The following TWSG1 variants were observed in gnomAD, a reference collection of about 807,000 sequenced individuals.
TWSG1 encodes twisted gastrulation protein homolog 1.
TWSG1 carries 15 observed loss-of-function variants against 23.0 expected under a neutral mutation model. That is an observed-to-expected ratio of 0.65 (90% CI 0.44 to 1.00). TWSG1 has a LOEUF of 1.00. Ranked by LOEUF, TWSG1 falls within the 50% of genes least tolerant of loss-of-function variation. The pLI is 0.00. For synonymous variants in TWSG1, 86 were observed against 92.8 expected (o/e 0.93, Z 0.42); for missense variants, 242 against 278.7 (o/e 0.87, Z 0.94).
rs181275102 is a variant in TWSG1, at chr18:9,337,425, T to C, written c.123+73T>C. ...GAAACATTATGTTTATATACAGATA[T>C]AGAGTGCATATATCATATAGAGTAA... is the stretch of plus-strand genomic sequence containing the variant. On this transcript the variant is annotated intron_variant, in intron 2 of 4. Transcript: ENST00000262120. The C allele has an allele frequency of 1.8e-5, 27 of 1,507,120 alleles. No homozygotes were observed. The East Asian group carries it at 4.8e-4, about 27-fold the overall frequency. 93.4% of individuals were successfully genotyped at this position (1,507,120 alleles called of 1,614,324 possible).
At chr18:9,397,825 A>G (rs1480442786) in intron 4 of TWSG1, among the ~76,000 whole-genome samples, 1 of 152,036 alleles carries the variant, frequency 6.6e-6, no homozygotes, top group Non-Finnish European at 1.5e-5. Flanking sequence ...GACCAACATG[A>G]GAGACCTCGT....
chr18:9,371,596 A>ATTC (rs2040605643), intron 3 of TWSG1, among the ~76,000 whole-genome samples: 1 of 151,792 alleles, frequency 6.6e-6, no homozygotes, highest in East Asian at 2.0e-4. Context: ...TGCCCAGCCT[A>ATTC]TAAATCACTT....
intron 2 of TWSG1, among the ~76,000 whole-genome samples, chr18:9,345,634 C>G (rs995865542): frequency 1.3e-5 from 2 of 152,058 alleles, no homozygotes; most frequent in African/African-American, 4.8e-5. Context: ...TATGCTAGTA[C>G]CACATTGTCT....
chr18:9,364,597 C>T (rs960393673), intron 3 of TWSG1, among the ~76,000 whole-genome samples: 3 of 151,954 alleles, frequency 2.0e-5, no homozygotes, highest in Admixed American at 1.3e-4. Flanking sequence ...AATTCAAGAC[C>T]AGCCTAGCCA....
chr18:9,344,497 G>GTGTGTGTGTC (rs2040465559), intron 2 of TWSG1, among the ~76,000 whole-genome samples: 5 of 69,580 alleles, frequency 7.2e-5, no homozygotes, highest in African/African-American at 2.3e-4. Flanking sequence ...ATGCATGTGT[G>GTGTGTGTGTC]TGTGTGTGTG....
intron 3 of TWSG1, among the ~76,000 whole-genome samples, chr18:9,388,781 T>C (rs908491427): frequency 1.3e-5 from 2 of 152,192 alleles, no homozygotes; most frequent in Admixed American, 1.3e-4. Context: ...CCTGGAACTT[T>C]TGGGCTCTGT....
intron 2 of TWSG1, among the ~76,000 whole-genome samples, chr18:9,341,739 T>A (rs2040447229): frequency 6.6e-6 from 1 of 152,172 alleles, no homozygotes; most frequent in South Asian, 2.1e-4. Context: ...CTGGAGACAC[T>A]ATCTCTTTAT....
chr18:9,374,939 G>A (rs746857605), intron 3 of TWSG1, among the ~76,000 whole-genome samples: 5 of 152,066 alleles, frequency 3.3e-5, no homozygotes, highest in South Asian at 2.1e-4. Context: ...AGGCCAAGGC[G>A]GCCAGATCAC....
chr18:9,382,444 TC>T (rs1281742466), intron 3 of TWSG1, among the ~76,000 whole-genome samples: 6 of 151,644 alleles, frequency 4.0e-5, no homozygotes, highest in African/African-American at 7.3e-5. Context: ...AATCACTTGA[TC>T]CCAGGAAGCG....
In TWSG1 at chr18:9,373,418, C is replaced by T. The variant is rs548993107; in HGVS notation, c.223+13347C>T. Among the ~76,000 whole-genome samples the T allele has an allele frequency of 4.6e-5, 7 of 152,240 alleles. No homozygotes were observed. In the South Asian group the frequency reaches 1.2e-3, roughly 27 times the overall value. ...GCATAGTGGTGCATGCCTATAATCC[C>T]AGCTACTTGGGATGCTGAGTCATGA... On this transcript the variant is annotated intron_variant, in intron 3 of 4. Coordinates refer to ENST00000262120, the MANE Select transcript of TWSG1 (RefSeq NM_020648.6).
At chr18:9,374,947 C>G (rs1243097412) in intron 3 of TWSG1, among the ~76,000 whole-genome samples, 1 of 152,110 alleles carries the variant, frequency 6.6e-6, no homozygotes, top group Admixed American at 6.6e-5. Flanking sequence ...GCGGCCAGAT[C>G]ACGAGGTCAG....
At chr18:9,398,004 C>CAAAAAAAAAAAAAAAAAAACAAAA (rs2040745382) in intron 4 of TWSG1, among the ~76,000 whole-genome samples, 1 of 84,738 alleles carries the variant, frequency 1.2e-5, no homozygotes, top group African/African-American at 4.5e-5. Flanking sequence ...AACTCCATCT[C>CAAAAAAAAAAAAAAAAAAACAAAA]AAAAAAAAAA....
chr18:9,380,124 G>C (rs1175742103), intron 3 of TWSG1, among the ~76,000 whole-genome samples: 1 of 152,158 alleles, frequency 6.6e-6, no homozygotes, highest in African/African-American at 2.4e-5. Context: ...AATTGGATTT[G>C]ATCTAGTCAG....
intron 3 of TWSG1, among the ~76,000 whole-genome samples, chr18:9,382,497 T>C (rs933629677): frequency 1.3e-5 from 2 of 151,450 alleles, no homozygotes; most frequent in African/African-American, 4.9e-5. Flanking sequence ...CACTCCAGCC[T>C]AGGTGACAGA....
intron 3 of TWSG1, among the ~76,000 whole-genome samples, chr18:9,384,197 T>C (rs1248049083): frequency 1.3e-5 from 2 of 152,118 alleles, no homozygotes; most frequent in Non-Finnish European, 2.9e-5. Flanking sequence ...TGAGGGGTGA[T>C]GGGAGCCAGG....
At chr18:9,350,164 A>T (rs997764516) in intron 2 of TWSG1, among the ~76,000 whole-genome samples, 1 of 152,100 alleles carries the variant, frequency 6.6e-6, no homozygotes, top group Non-Finnish European at 1.5e-5. Flanking sequence ...TTGTGGCGCT[A>T]ACCTATTTTT....
intron 2 of TWSG1, among the ~76,000 whole-genome samples, chr18:9,349,217 A>T (rs1225855400): frequency 6.6e-6 from 1 of 152,192 alleles, no homozygotes; most frequent in Non-Finnish European, 1.5e-5. Context: ...GCTTTTGTGA[A>T]AATAATTTTT....
At chr18:9,356,085 C>A (rs1290690904) in intron 2 of TWSG1, among the ~76,000 whole-genome samples, 4 of 152,154 alleles carry the variant, frequency 2.6e-5, no homozygotes, top group African/African-American at 9.7e-5. Context: ...AAGTCTTAAA[C>A]TGGATTTTTG....
intron 3 of TWSG1, among the ~76,000 whole-genome samples, chr18:9,367,589 C>G (rs1598827942): frequency 1.3e-5 from 2 of 152,296 alleles, no homozygotes; most frequent in Admixed American, 1.3e-4. Flanking sequence ...AGGTGAACAC[C>G]AGGCAAGCGA....
Sources: gnomAD v4.1 joint callset for allele counts (sites outside exome capture counted in the v4.1 genomes callset) on GRCh38, gnomAD v4.1.1 for gene constraint, MANE v1.5 for transcripts, NCBI Gene and HGNC (gene_info 2026-07-23, HGNC 2026-07-21) for gene names.